C2CD3: variants seen among roughly 807,000 people sequenced by gnomAD.
The protein encoded by C2CD3 is C2 domain containing 3 centriole elongation regulator.
C2CD3 carries 148 observed loss-of-function variants against 234.0 expected under a neutral mutation model. The observed-to-expected ratio is 0.63, with a 90% CI of 0.55 to 0.72. C2CD3 has a LOEUF of 0.72. C2CD3 is among the 30% of genes least tolerant of loss of function. The pLI, the probability that C2CD3 is intolerant of heterozygous loss-of-function variation, is 0.00. For synonymous variants in C2CD3, 1,000 were observed against 1,035.4 expected (o/e 0.97, Z 0.66); for missense variants, 2,577 against 2,811.5 (o/e 0.92, Z 1.89).
chr11:74,079,684 T>C (rs1199537364), intron 22 of C2CD3, among the ~76,000 whole-genome samples: 1 of 151,866 alleles, frequency 6.6e-6, no homozygotes, highest in Non-Finnish European at 1.5e-5. Context: ...GAAGCTCAGA[T>C]ACCTGTCCAA....
At position 74,095,468 on chromosome 11, in the gene C2CD3, T is replaced by C; in HGVS notation, c.2980-60A>G. ...AAGAGTAACTTGCTTAGAATATTTC[T>C]GCTTCTCTATGAAGTCTGAGTATAG... On this transcript the variant is annotated intron_variant, in intron 16 of 32. Transcript: ENST00000334126. 4 of 1,331,684 alleles carry C rather than the reference T, an allele frequency of 3.0e-6. No homozygotes were observed. The South Asian group carries it at 4.0e-5, about 13-fold the overall frequency. 82.5% of individuals were successfully genotyped at this position (1,331,684 alleles called of 1,614,324 possible).
At chr11:74,065,939 A>G (rs979341256) in intron 24 of C2CD3, among the ~76,000 whole-genome samples, 1 of 147,794 alleles carries the variant, frequency 6.8e-6, no homozygotes, top group Non-Finnish European at 1.5e-5. Flanking sequence ...GGGGAGGGAT[A>G]GCATTAGGAG....
intron 3 of C2CD3, among the ~76,000 whole-genome samples, chr11:74,149,748 T>A (rs1035360814): frequency 6.6e-6 from 1 of 152,150 alleles, no homozygotes; most frequent in African/African-American, 2.4e-5. Context: ...GTTTGCAATA[T>A]CCCACCTTGT....
At chr11:74,068,567 C>T (rs861144) in intron 24 of C2CD3, among the ~76,000 whole-genome samples, 6,932 of 152,166 alleles carry the variant, frequency 0.046, 464 homozygotes, top group African/African-American at 0.15. Flanking sequence ...GGAAGATCAG[C>T]AGAGAGGACC....
At chr11:74,093,379 A>G (rs571804612) in intron 18 of C2CD3, among the ~76,000 whole-genome samples, 56 of 148,722 alleles carry the variant, frequency 3.8e-4, no homozygotes, top group African/African-American at 1.3e-3. Flanking sequence ...TATATTTATA[A>G]AATAAATATA....
Position 74,093,915 on chromosome 11 carries a change from A to T in C2CD3, c.3245T>A (p.Leu1082Gln). The change falls in exon 18 of 33, where the codon CTG (leucine) becomes CAG (glutamine). Residue 1082 changes from leucine (L) to glutamine (Q), a missense_variant. By Grantham distance (113) the Leu-to-Gln change is moderately radical. Coordinates refer to ENST00000334126, the MANE Select transcript of C2CD3 (RefSeq NM_001286577.2). ...TTGCACTGGAACCTCAGCTGGCAACAGGAGAGAGTGATGGTGTTCACTATT... is the reference window on the plus strand; with the variant it reads ...TTGCACTGGAACCTCAGCTGGCAACTGGAGAGAGTGATGGTGTTCACTATT... ...IFNSEHHHSLLLPAEVPVQRL... is the reference protein window; with the variant it reads ...IFNSEHHHSLQLPAEVPVQRL... 1 of 1,614,116 alleles carries T rather than the reference A, an allele frequency of 6.2e-7. No individual in the cohort carries two copies. Among genetic ancestry groups the T allele is most frequent in the Non-Finnish European group, 8.5e-7 (1 of 1,179,936 alleles).
Position 74,133,030 on chromosome 11 carries a change from T to A in C2CD3, c.1089-58A>T, listed in dbSNP as rs1036208015. ...GGCTAACAGATGGAAAAAATCTAAATCATAATCACTTCGTACATGCAGCTG... is the reference window on the plus strand; with the variant it reads ...GGCTAACAGATGGAAAAAATCTAAAACATAATCACTTCGTACATGCAGCTG... On this transcript the variant is annotated intron_variant, in intron 6 of 32. Transcript: ENST00000334126. 6.8e-5 allele frequency: 105 copies of A among 1,538,658 alleles called. 1 individual carries two copies. The highest frequency in any genetic ancestry group is 1.1e-4 in the East Asian group (5 of 44,534).
intron 23 of C2CD3, among the ~76,000 whole-genome samples, chr11:74,075,486 C>T (rs531846278): frequency 1.3e-5 from 2 of 151,922 alleles, no homozygotes; most frequent in Non-Finnish European, 2.9e-5. Flanking sequence ...AAACTGCCAA[C>T]ATCACTCTGG....
intron 28 of C2CD3, among the ~76,000 whole-genome samples, chr11:74,043,446 C>T (rs1056095502): frequency 6.6e-6 from 1 of 152,174 alleles, no homozygotes. Flanking sequence ...TACAAACATA[C>T]GTGTACAAGT....
intron 8 of C2CD3, among the ~76,000 whole-genome samples, chr11:74,120,493 T>C (rs1279548451): frequency 6.6e-6 from 1 of 152,200 alleles, no homozygotes; most frequent in Non-Finnish European, 1.5e-5. Context: ...TTCCACGGTG[T>C]ATATGTGCCA....
rs769668218 is a variant in C2CD3 at position 74,150,492 on chromosome 11, C to CAAA, written c.484-10667_484-10665dup. On this transcript the variant is annotated intron_variant, in intron 3 of 32. Transcript: ENST00000334126. ...TGGGCTACAGAGCAAGACCCTGTCTCAAAAAAAAAAAAAAAAAAAAAAACA... is the reference window on the plus strand; with the variant it reads ...TGGGCTACAGAGCAAGACCCTGTCTCAAAAAAAAAAAAAAAAAAAAAAAAAACA... Among the ~76,000 whole-genome samples the CAAA allele has an allele frequency of 7.7e-3, 123 of 16,010 alleles. 5 individuals carry two copies. Among genetic ancestry groups the CAAA allele is most frequent in the South Asian group, 0.021 (5 of 242 alleles). The allele number at this position is 16,010 out of a possible 152,430, so 10.5% of individuals were successfully genotyped here. A position where few individuals can be genotyped will look rare whatever the true frequency, so the allele number is the denominator to read the frequency against.
chr11:74,034,443 A>C, intron 30 of C2CD3, 165 bp from the exon 31 acceptor site: 1 of 1,539,358 alleles, frequency 6.5e-7, no homozygotes, highest in Non-Finnish European at 8.7e-7. Context: ...TCAAGGCGGT[A>C]CAATTTTTAG....
intron 8 of C2CD3, 129 bp downstream of exon 8, chr11:74,122,859 C>A (rs1957263273): frequency 1.5e-6 from 1 of 650,418 alleles, no homozygotes; most frequent in Admixed American, 2.7e-5. Flanking sequence ...ATAATACTTT[C>A]CTCTTGAGGT....
chr11:74,092,657 C>T lies in C2CD3; in HGVS notation c.3345-69G>A. On this transcript the variant is annotated intron_variant, in intron 18 of 32. Coordinates refer to ENST00000334126, the MANE Select transcript of C2CD3 (RefSeq NM_001286577.2). ...AAATGATTCAGTCTGCCCCACAGAT[C>T]AGCCTTCACTACCTGGTTATCTTTG... The T allele has an allele frequency of 3.8e-6, 5 of 1,302,076 alleles. No homozygotes were observed. In the South Asian group the frequency reaches 5.3e-5, roughly 14 times the overall value. The allele number at this position is 1,302,076 out of a possible 1,614,324, so 80.7% of individuals were successfully genotyped here. A position where few individuals can be genotyped will look rare whatever the true frequency, so the allele number is the denominator to read the frequency against.
intron 23 of C2CD3, among the ~76,000 whole-genome samples, chr11:74,075,754 C>T (rs1002869011): frequency 1.3e-5 from 2 of 152,098 alleles, no homozygotes; most frequent in African/African-American, 4.8e-5. Flanking sequence ...AAAATAAGGG[C>T]AGGTCATTAC....
chr11:74,156,459 C>CAAAA (rs530606913), intron 3 of C2CD3, among the ~76,000 whole-genome samples: 2 of 40,914 alleles, frequency 4.9e-5, no homozygotes, highest in African/African-American at 7.9e-5. Flanking sequence ...GACCCTATCT[C>CAAAA]AAAAAAAAAA....
chr11:74,072,661 G>A (rs1256766245), intron 24 of C2CD3, among the ~76,000 whole-genome samples: 4 of 151,472 alleles, frequency 2.6e-5, no homozygotes, highest in Non-Finnish European at 5.9e-5. Flanking sequence ...GGGACACAGG[G>A]ATAAATATAT....
chr11:74,078,491 G>C lies in C2CD3; in HGVS notation c.4227C>G (p.Ile1409Met). ...MDEGEPATVT[I>M]STPRLWLPIH... Reference sequence around the variant, plus strand: ...TGGGCAGCCACAGCCTTGGGGTGGAGATGGTGACAGTGGCTGGCTCCCCTT... The same window carrying C: ...TGGGCAGCCACAGCCTTGGGGTGGACATGGTGACAGTGGCTGGCTCCCCTT... The change falls in exon 23 of 33, where the codon ATC (isoleucine) becomes ATG (methionine). Residue 1409 changes from isoleucine (I) to methionine (M), a missense_variant. Ile to Met is a conservative substitution (Grantham distance 10). Coordinates refer to ENST00000334126, the MANE Select transcript of C2CD3 (RefSeq NM_001286577.2). 1.9e-6 allele frequency: 3 copies of C among 1,614,204 alleles called. No homozygotes were observed.
chr11:74,048,151 C>T, intron 28 of C2CD3, 54 bp downstream of exon 28: 2 of 1,573,334 alleles, frequency 1.3e-6, no homozygotes, highest in Admixed American at 1.8e-5. Flanking sequence ...TAAGCCAGTT[C>T]ACACACTTCC....
Sources: gnomAD v4.1 joint callset for allele counts (sites outside exome capture counted in the v4.1 genomes callset) on GRCh38, gnomAD v4.1.1 for gene constraint, MANE v1.5 for transcripts, NCBI Gene and HGNC (gene_info 2026-07-23, HGNC 2026-07-21) for gene names.